The following FBXO36 variants were observed in gnomAD, a reference collection of about 807,000 sequenced individuals.
The protein encoded by FBXO36 is F-box only protein 36.
Under a neutral mutation model 17.0 loss-of-function variants are expected in FBXO36, and 18 were observed. The ratio of observed to expected loss-of-function variants is 1.06; its 90% CI spans 0.73 to 1.57. The LOEUF (loss-of-function observed/expected upper bound fraction) is 1.57, where lower values mean the gene tolerates loss of function less well. Among genes scored for constraint, FBXO36 ranks in the 40% most tolerant of loss-of-function variants. The probability of loss-of-function intolerance (pLI) is 0.00; values close to 1 mark genes in which losing one functional copy is unlikely to be tolerated. For synonymous variants in FBXO36, 83 were observed against 85.3 expected (o/e 0.97, Z 0.15); for missense variants, 229 against 221.9 (o/e 1.03, Z -0.20).
At chr2:229,969,463 T>C (rs1004320523) in intron 1 of FBXO36, among the ~76,000 whole-genome samples, 4 of 148,926 alleles carry the variant, frequency 2.7e-5, no homozygotes, top group Non-Finnish European at 5.9e-5. Flanking sequence ...CTGAGGCGGG[T>C]GGATCACGAG....
chr2:230,004,967 T>C (rs2077379424), intron 3 of FBXO36, among the ~76,000 whole-genome samples: 1 of 151,992 alleles, frequency 6.6e-6, no homozygotes, highest in South Asian at 2.1e-4. Context: ...GATTGACCCA[T>C]TGCACTCCAG....
rs967440355 is a variant in FBXO36 at position 230,011,010 on chromosome 2, C to T, written c.*126C>T. The stretch of plus-strand genomic sequence containing the variant: ...TTGATGCGTGGAGCCATTTGAAACT[C>T]GTAGGGGATTTGCACACAAATGCAG... On this transcript the variant is annotated 3_prime_UTR_variant, in exon 4 of 4. Transcript: ENST00000283946. 1.3e-5 allele frequency: 13 copies of T among 1,026,548 alleles called. No homozygotes were observed. The highest frequency in any genetic ancestry group is 8.6e-5 in the Admixed American group (3 of 34,890). The allele number at this position is 1,026,548 out of a possible 1,614,324, so 63.6% of individuals were successfully genotyped here.
intron 1 of FBXO36, among the ~76,000 whole-genome samples, chr2:229,973,105 C>G (rs1053962879): frequency 9.3e-6 from 1 of 107,010 alleles, no homozygotes; most frequent in East Asian, 2.4e-4. Context: ...TCAATAAATT[C>G]GTTAAAAATT....
At chr2:229,946,974 C>T (rs2077030304) in intron 1 of FBXO36, among the ~76,000 whole-genome samples, 1 of 152,084 alleles carries the variant, frequency 6.6e-6, no homozygotes. Context: ...CCAGACCAGC[C>T]TGGCCAACAT....
intron 2 of FBXO36, among the ~76,000 whole-genome samples, chr2:229,991,274 T>C (rs1337354559): frequency 6.6e-6 from 1 of 152,132 alleles, no homozygotes; most frequent in Non-Finnish European, 1.5e-5. Flanking sequence ...CAGAAATGTG[T>C]TTAAAATTTC....
chr2:229,924,803 C>G (rs2076898362), intron 1 of FBXO36, among the ~76,000 whole-genome samples: 1 of 151,812 alleles, frequency 6.6e-6, no homozygotes, highest in African/African-American at 2.4e-5. Context: ...GCGTCTCGCA[C>G]TGTCGCCCAG....
chr2:229,953,342 T>TA (rs908231840), intron 1 of FBXO36, among the ~76,000 whole-genome samples: 1 of 148,098 alleles, frequency 6.8e-6, no homozygotes, highest in Non-Finnish European at 1.5e-5. Flanking sequence ...CTCAAAAAAT[T>TA]AAAAAAAGAA....
rs2076781699 is a variant in FBXO36 at position 229,922,729 on chromosome 2, G to C, written c.96+120G>C. Reference sequence around the variant, plus strand: ...AGCCCGCCGGAAGCGCCCAGTCCCGGCTCCGCGCCGGGAGATTTTCCTCGT... The same window carrying C: ...AGCCCGCCGGAAGCGCCCAGTCCCGCCTCCGCGCCGGGAGATTTTCCTCGT... On this transcript the variant is annotated intron_variant, in intron 1 of 3. Coordinates refer to ENST00000283946, the MANE Select transcript of FBXO36 (RefSeq NM_174899.5). The C allele has an allele frequency of 7.1e-6, 7 of 984,102 alleles. No individual in the cohort carries two copies. The Admixed American group carries it at 8.4e-5, about 12-fold the overall frequency. The allele number at this position is 984,102 out of a possible 1,614,324, so 61.0% of individuals were successfully genotyped here. A position where few individuals can be genotyped will look rare whatever the true frequency, so the allele number is the denominator to read the frequency against.
intron 2 of FBXO36, among the ~76,000 whole-genome samples, chr2:229,979,819 G>A (rs1050457259): frequency 6.6e-6 from 1 of 151,550 alleles, no homozygotes; most frequent in Admixed American, 6.6e-5. Flanking sequence ...ATTCATTGTT[G>A]GCTTAAGAAC....
At chr2:229,952,856 A>G (rs1047009717) in intron 1 of FBXO36, among the ~76,000 whole-genome samples, 2 of 152,242 alleles carry the variant, frequency 1.3e-5, no homozygotes, top group African/African-American at 4.8e-5. Flanking sequence ...GATGCTGGCC[A>G]GTAGATCATG....
intron 1 of FBXO36, among the ~76,000 whole-genome samples, chr2:229,952,745 A>C (rs2077063690): frequency 6.6e-6 from 1 of 152,166 alleles, no homozygotes; most frequent in South Asian, 2.1e-4. Context: ...TGCAGCCACC[A>C]GTGGGGCAGT....
chr2:229,979,749 T>G (rs1577352645), intron 2 of FBXO36, among the ~76,000 whole-genome samples: 1 of 151,948 alleles, frequency 6.6e-6, no homozygotes, highest in Non-Finnish European at 1.5e-5. Flanking sequence ...GATTGAGTGG[T>G]TCACTGTCTT....
intron 3 of FBXO36, among the ~76,000 whole-genome samples, chr2:230,007,999 G>C (rs905675329): frequency 6.6e-6 from 1 of 152,122 alleles, no homozygotes; most frequent in East Asian, 1.9e-4. Flanking sequence ...AGAGTGCTGG[G>C]ATTACAGGCA....
At chr2:229,975,961 G>A (rs998881583) in intron 1 of FBXO36, among the ~76,000 whole-genome samples, 2 of 151,712 alleles carry the variant, frequency 1.3e-5, no homozygotes, top group Admixed American at 1.3e-4. Flanking sequence ...ACCCACCTCG[G>A]CCTCCCAAAG....
chr2:229,950,907 C>T (rs1158150480), intron 1 of FBXO36, among the ~76,000 whole-genome samples: 2 of 151,866 alleles, frequency 1.3e-5, no homozygotes, highest in Non-Finnish European at 2.9e-5. Flanking sequence ...CAGGCATGCG[C>T]CATTATGCCC....
chr2:229,974,095 A>T (rs1264601165), intron 1 of FBXO36, among the ~76,000 whole-genome samples: 1 of 152,180 alleles, frequency 6.6e-6, no homozygotes, highest in African/African-American at 2.4e-5. Flanking sequence ...CTGTTTTAAT[A>T]AGTACAATAC....
intron 3 of FBXO36, among the ~76,000 whole-genome samples, chr2:230,003,430 C>T (rs2077370548): frequency 6.6e-6 from 1 of 151,986 alleles, no homozygotes; most frequent in Non-Finnish European, 1.5e-5. Flanking sequence ...CAGCCTACAG[C>T]TCCTCTTTCA....
At chr2:229,998,399 G>A (rs1483436901) in intron 3 of FBXO36, among the ~76,000 whole-genome samples, 1 of 152,138 alleles carries the variant, frequency 6.6e-6, no homozygotes, top group Non-Finnish European at 1.5e-5. Context: ...GAGGCGGTTG[G>A]ATCACCTGAG....
intron 3 of FBXO36, among the ~76,000 whole-genome samples, chr2:229,999,003 C>T (rs1175745389): frequency 1.3e-5 from 2 of 151,690 alleles, no homozygotes; most frequent in African/African-American, 2.4e-5. Flanking sequence ...GGGGTTTCAC[C>T]GTGTTAGCCA....
Sources: allele counts gnomAD v4.1 joint callset (sites outside exome capture counted in the v4.1 genomes callset), GRCh38; gene constraint gnomAD v4.1.1; transcripts MANE v1.5; gene names NCBI Gene and HGNC (gene_info 2026-07-23, HGNC 2026-07-21).